TRERF1: variants seen among roughly 807,000 people sequenced by gnomAD.
The protein encoded by TRERF1 is transcriptional regulating factor 1, also known as transcriptional-regulating factor 1.
In TRERF1, 27 loss-of-function variants were observed where a neutral mutation model predicts 122.9. The ratio of observed to expected loss-of-function variants is 0.22; its 90% CI spans 0.16 to 0.30. The LOEUF is 0.30. Among genes scored for constraint, TRERF1 ranks in the 10% least tolerant of loss-of-function variants. The pLI is 1.00. For missense variants in TRERF1, 1,248 were observed against 1,560.3 expected, an observed-to-expected ratio of 0.80 and a Z score of 3.37; for synonymous variants, 636 against 641.7, an observed-to-expected ratio of 0.99 and a Z score of 0.13.
chr6:42,307,864 T>G (rs1408068091), intron 3 of TRERF1, among the ~76,000 whole-genome samples: 1 of 152,198 alleles, frequency 6.6e-6, no homozygotes, highest in Non-Finnish European at 1.5e-5. Context: ...AAAGTGGTGG[T>G]TCTCCAACTT....
chr6:42,316,386 C>A (rs1353019475), intron 3 of TRERF1, among the ~76,000 whole-genome samples: 1 of 152,168 alleles, frequency 6.6e-6, no homozygotes, highest in African/African-American at 2.4e-5. Context: ...GCTTTTCTAA[C>A]TTGGGGAGGA....
intron 2 of TRERF1, among the ~76,000 whole-genome samples, chr6:42,392,931 T>TACACACACACACACACACACACAC (rs58784390): frequency 5.4e-5 from 8 of 148,002 alleles, no homozygotes; most frequent in African/African-American, 2.0e-4. Context: ...TACACACACA[T>TACACACACACACACACACACACAC]ACACACACAC....
At chr6:42,260,759 G>C (rs1428228440) in intron 8 of TRERF1, among the ~76,000 whole-genome samples, 2 of 152,140 alleles carry the variant, frequency 1.3e-5, no homozygotes, top group African/African-American at 4.8e-5. Context: ...AGCAGCAGGG[G>C]GTGATGGGAA....
chr6:42,261,268 G>A (rs1169054769), intron 8 of TRERF1, among the ~76,000 whole-genome samples: 1 of 152,090 alleles, frequency 6.6e-6, no homozygotes, highest in Non-Finnish European at 1.5e-5. Flanking sequence ...TGATCTCAAC[G>A]CAGCACTGCA....
intron 2 of TRERF1, among the ~76,000 whole-genome samples, chr6:42,450,896 T>C (rs1306199958): frequency 6.6e-6 from 1 of 152,054 alleles, no homozygotes; most frequent in Admixed American, 6.5e-5. Flanking sequence ...CTTTATAACA[T>C]CACAACCTCA....
intron 2 of TRERF1, among the ~76,000 whole-genome samples, chr6:42,380,081 GT>G (rs1253912839): frequency 6.6e-6 from 1 of 152,166 alleles, no homozygotes; most frequent in East Asian, 1.9e-4. Context: ...GAAGAGTGGA[GT>G]CAGCCATGCA....
At chr6:42,378,619 G>C (rs1775332796) in intron 2 of TRERF1, among the ~76,000 whole-genome samples, 1 of 152,156 alleles carries the variant, frequency 6.6e-6, no homozygotes, top group Admixed American at 6.5e-5. Context: ...TTGTCTGTCA[G>C]AGGCAAAGAC....
chr6:42,325,816 T>C (rs1764189711), intron 3 of TRERF1, among the ~76,000 whole-genome samples: 1 of 152,168 alleles, frequency 6.6e-6, no homozygotes, highest in Admixed American at 6.5e-5. Context: ...TCGAAGCTGC[T>C]GTGAGCTGTG....
At chr6:42,304,383 G>A (rs533234668) in intron 3 of TRERF1, among the ~76,000 whole-genome samples, 1 of 152,334 alleles carries the variant, frequency 6.6e-6, no homozygotes, top group African/African-American at 2.4e-5. Context: ...GCAGATCAGT[G>A]AGAGCGTAGG....
chr6:42,297,267 T>C (rs1010084313), intron 4 of TRERF1, among the ~76,000 whole-genome samples: 1 of 152,164 alleles, frequency 6.6e-6, no homozygotes, highest in African/African-American at 2.4e-5. Flanking sequence ...AGAACTAATA[T>C]GCTGGATACA....
chr6:42,259,526 C>T lies in TRERF1; in HGVS notation c.2082G>A (p.Gly694=), dbSNP rs1203054237. 3.1e-6 allele frequency: 5 copies of T among 1,613,062 alleles called. No individual in the cohort carries two copies. Among genetic ancestry groups the T allele is most frequent in the Non-Finnish European group, 3.4e-6 (4 of 1,179,726 alleles). Residue 694 remains glycine, a synonymous_variant, in exon 9 of 18, where the codon GGG becomes GGA. Coordinates refer to ENST00000372922, the Ensembl canonical transcript of TRERF1. The surrounding 1 kb of genome is among the most constrained non-coding windows in gnomAD (Gnocchi z 4.9). ...GGGTGGGGTCCAGGAGCAGGTGGTC[C>T]CCGAGGACGCGCGGGGAGCGCAGCT...
At chr6:42,287,154 A>C (rs1213252676) in intron 4 of TRERF1, among the ~76,000 whole-genome samples, 1 of 78,734 alleles carries the variant, frequency 1.3e-5, no homozygotes. Flanking sequence ...GGGTGGGGGG[A>C]GGGGGGAGGG....
intron 2 of TRERF1, among the ~76,000 whole-genome samples, chr6:42,447,109 T>A (rs994803790): frequency 6.6e-6 from 1 of 152,154 alleles, no homozygotes; most frequent in Admixed American, 6.5e-5. Context: ...ATCAAACATA[T>A]AAAAAGAAAT....
At chr6:42,413,309 A>G (rs749912055) in intron 2 of TRERF1, among the ~76,000 whole-genome samples, 2 of 152,076 alleles carry the variant, frequency 1.3e-5, no homozygotes, top group Admixed American at 6.5e-5. Context: ...TCCACCTAAT[A>G]TCAGTGGAGG....
At position 42,428,353 on chromosome 6, in the gene TRERF1, G is replaced by T. The variant is rs567711976; in HGVS notation, c.-454+22824C>A. Among the ~76,000 whole-genome samples the T allele has an allele frequency of 1.1e-4, 16 of 152,282 alleles. No homozygotes were observed. The South Asian group carries it at 3.3e-3, about 32-fold the overall frequency. On this transcript the variant is annotated intron_variant, in intron 2 of 17. Coordinates refer to ENST00000372922, the Ensembl canonical transcript of TRERF1. ...TTCAGAGGCTGATCATTCAGCTGTT[G>T]GCTTTTTGAAGCTCATTATGGCCCG...
At chr6:42,376,002 C>A (rs929953655) in intron 2 of TRERF1, among the ~76,000 whole-genome samples, 8 of 152,146 alleles carry the variant, frequency 5.3e-5, no homozygotes, top group African/African-American at 1.9e-4. Flanking sequence ...CAATGTCCCC[C>A]CTTTAGGAAA....
chr6:42,389,446 C>T (rs766520054), intron 2 of TRERF1, among the ~76,000 whole-genome samples: 6 of 152,248 alleles, frequency 3.9e-5, no homozygotes, highest in Non-Finnish European at 7.3e-5. Context: ...AGGCAGGACA[C>T]TGCTCCATCA....
intron 4 of TRERF1, among the ~76,000 whole-genome samples, chr6:42,277,286 C>T (rs561569681): frequency 9.2e-5 from 14 of 152,290 alleles, no homozygotes; most frequent in Admixed American, 2.6e-4. Flanking sequence ...GTTCTGCCTG[C>T]TCCACCTCCA....
chr6:42,242,070 G>A (rs1017851456), intron 15 of TRERF1, among the ~76,000 whole-genome samples: 1 of 152,190 alleles, frequency 6.6e-6, no homozygotes, highest in African/African-American at 2.4e-5. Context: ...ATTCTAGCCT[G>A]AGCGACAAAG....
Sources: allele counts gnomAD v4.1 joint callset (sites outside exome capture counted in the v4.1 genomes callset), GRCh38; gene constraint gnomAD v4.1.1; non-coding constraint Gnocchi (gnomAD v3.1); transcripts MANE v1.5; gene names NCBI Gene and HGNC (gene_info 2026-07-23, HGNC 2026-07-21).